The following EHMT1 variants were observed in gnomAD, a reference collection of about 807,000 sequenced individuals.
EHMT1 encodes euchromatic histone lysine methyltransferase 1.
In EHMT1, 15 loss-of-function variants were observed where a neutral mutation model predicts 147.2. The observed-to-expected ratio is 0.10, with a 90% CI of 0.07 to 0.16. The LOEUF is 0.16. Among genes scored for constraint, EHMT1 ranks in the 10% least tolerant of loss-of-function variants. EHMT1 has a pLI of 1.00. For missense variants in EHMT1, 1,587 were observed against 1,772.4 expected (o/e 0.90, Z 1.88); for synonymous variants, 795 against 709.6 (o/e 1.12, Z -1.91).
intron 15 of EHMT1, among the ~76,000 whole-genome samples, chr9:137,783,162 C>A (rs1236998243): frequency 6.6e-6 from 1 of 152,246 alleles, no homozygotes; most frequent in Non-Finnish European, 1.5e-5. Context: ...TGTGCCCTTT[C>A]AGTGCAGAAA....
chr9:137,802,703 G>C (rs1453588260), intron 18 of EHMT1: 15 of 736,598 alleles, frequency 2.0e-5, no homozygotes, highest in Non-Finnish European at 2.8e-5. Context: ...ACCACTGGCT[G>C]TGGGCACCCG....
At position 137,818,069 on chromosome 9, in the gene EHMT1, G is replaced by A; in HGVS notation, c.3471G>A (p.Gly1157=). Residue 1157 remains glycine, a synonymous_variant, in exon 25 of 27, where the codon GGG becomes GGA. Transcript: ENST00000460843. ...ACCGCACCCTCTGCAGGTATGTTGG[G>A]GAGCTGATTTCAGACTCAGAAGCCG... ...PPGTFVCEYV[G]ELISDSEADV... 1 of 1,614,174 alleles carries A rather than the reference G, an allele frequency of 6.2e-7. No individual in the cohort carries two copies. The highest frequency in any genetic ancestry group is 8.5e-7 in the Non-Finnish European group (1 of 1,180,028).
intron 25 of EHMT1, among the ~76,000 whole-genome samples, chr9:137,831,614 C>T (rs952268714): frequency 6.6e-6 from 1 of 152,216 alleles, no homozygotes; most frequent in Non-Finnish European, 1.5e-5. Context: ...ATTTTCATGC[C>T]TTGAAATCTT....
rs531716541 is a variant in EHMT1 at position 137,716,760 on chromosome 9, C to A, written c.220C>A (p.Gln74Lys). Residue 74 changes from glutamine to lysine, a missense_variant, in exon 3 of 27, where the codon CAG (glutamine) becomes AAG (lysine). Around this residue, in one of 7 missense-constraint regions of EHMT1, gnomAD observed 810 missense variants for 673.0 expected, o/e 1.20. Transcript: ENST00000460843. ...SSHANAAKHT[Q>K]DSARVNPQDG... ...TCATGCAAATGCTGCAAAGCACACT[C>A]AGGACAGCGCAAGGGTCAACCCCCA... is the stretch of plus-strand genomic sequence containing the variant. 1 of 1,613,008 alleles carries A rather than the reference C, an allele frequency of 6.2e-7. No homozygotes were observed. The highest frequency in any genetic ancestry group is 8.5e-7 in the Non-Finnish European group (1 of 1,179,750).
chr9:137,743,819 C>T, intron 5 of EHMT1, 83 bp from the exon 6 acceptor site: 2 of 1,489,510 alleles, frequency 1.3e-6, no homozygotes, highest in Non-Finnish European at 1.8e-6. Flanking sequence ...ACCTCCCAGT[C>T]ACCCAAGACT....
At chr9:137,723,225 T>C (rs1269760375) in intron 3 of EHMT1, among the ~76,000 whole-genome samples, 2 of 64,322 alleles carry the variant, frequency 3.1e-5, no homozygotes. Flanking sequence ...GGGGTGTGCC[T>C]GTGTCCGTGG....
At chr9:137,815,901 AGAGT>A (rs1954881722) in intron 22 of EHMT1, 42 bp from the exon 23 acceptor site, 1 of 1,476,454 alleles carries the variant, frequency 6.8e-7, no homozygotes, top group Non-Finnish European at 9.3e-7. Context: ...GTTCAATTAA[AGAGT>A]GAGTAACCTC....
At chr9:137,740,277 C>T (rs1947937067) in intron 4 of EHMT1, among the ~76,000 whole-genome samples, 2 of 152,158 alleles carry the variant, frequency 1.3e-5, no homozygotes, top group African/African-American at 4.8e-5. Context: ...CTGTGAGATG[C>T]CAGTTGGCGA....
chr9:137,765,933 A>G (rs1950189173), intron 10 of EHMT1, among the ~76,000 whole-genome samples: 1 of 152,046 alleles, frequency 6.6e-6, no homozygotes, highest in African/African-American at 2.4e-5. Flanking sequence ...TGAATCCCAC[A>G]CTTAGGTGGC....
chr9:137,780,583 G>C (rs1290181438), intron 14 of EHMT1, among the ~76,000 whole-genome samples: 2 of 142,720 alleles, frequency 1.4e-5, no homozygotes, highest in Non-Finnish European at 3.0e-5. Context: ...TGGTGATGAC[G>C]CTGGGATGTG....
chr9:137,635,559 G>A lies in EHMT1; in HGVS notation c.21+16510G>A, dbSNP rs139783049. On this transcript the variant is annotated intron_variant, in intron 1 of 26. Transcript: ENST00000460843. ...TTCAGAGCTGGGCGCGGTGGCTCAC[G>A]CCTGTAATCCCAGCACTTTGGGAGG... Among the ~76,000 whole-genome samples the A allele has an allele frequency of 6.1e-3, 913 of 150,704 alleles. 4 individuals carry two copies. Among genetic ancestry groups the A allele is most frequent in the Middle Eastern group, 0.017 (5 of 292 alleles).
chr9:137,775,372 G>A lies in EHMT1; in HGVS notation c.1791+120G>A, dbSNP rs1950880284. 4 of 1,451,684 alleles carry A rather than the reference G, an allele frequency of 2.8e-6. No homozygotes were observed. Among genetic ancestry groups the A allele is most frequent in the Admixed American group, 3.9e-5 (2 of 50,956 alleles). 89.9% of individuals were successfully genotyped at this position (1,451,684 alleles called of 1,614,324 possible). On this transcript the variant is annotated intron_variant, in intron 11 of 26. Coordinates refer to ENST00000460843, the MANE Select transcript of EHMT1 (RefSeq NM_024757.5). The surrounding 1 kb of genome is among the most constrained non-coding windows in gnomAD (Gnocchi z 6.1). Reference sequence around the variant, plus strand: ...TGGTCCAGCAGCTGGCCCAGGTCTGGTGTCCGTCTGGAGGTCTCCAGTGTT... The same window carrying A: ...TGGTCCAGCAGCTGGCCCAGGTCTGATGTCCGTCTGGAGGTCTCCAGTGTT...
chr9:137,686,697 A>G (rs1589257909), intron 1 of EHMT1, among the ~76,000 whole-genome samples: 1 of 144,224 alleles, frequency 6.9e-6, no homozygotes, highest in African/African-American at 2.6e-5. Flanking sequence ...ATTTTTATAC[A>G]TGGCATGAGG....
At chr9:137,648,517 GC>G (rs1461753821) in intron 1 of EHMT1, among the ~76,000 whole-genome samples, 2 of 147,430 alleles carry the variant, frequency 1.4e-5, no homozygotes, top group Non-Finnish European at 3.0e-5. Flanking sequence ...AAATAGTTGG[GC>G]ATGGTGCCTC....
rs1950884786 is a variant in EHMT1, at chr9:137,775,424, G to A, written c.1791+172G>A. 6.6e-6 allele frequency among the ~76,000 whole-genome samples: 1 copy of A among 151,866 alleles called. No homozygotes were observed. On this transcript the variant is annotated intron_variant, in intron 11 of 26. Coordinates refer to ENST00000460843, the MANE Select transcript of EHMT1 (RefSeq NM_024757.5). The surrounding 1 kb of genome is among the most constrained non-coding windows in gnomAD (Gnocchi z 6.1). Reference sequence around the variant, plus strand: ...ACAAGCCCCTCACCACCCCTGTCGAGCCCCAGTGCCTTAGACACCTTCACC... The same window carrying A: ...ACAAGCCCCTCACCACCCCTGTCGAACCCCAGTGCCTTAGACACCTTCACC...
rs187680765 is a variant in EHMT1 at position 137,623,741 on chromosome 9, C to T, written c.21+4692C>T. Among the ~76,000 whole-genome samples the T allele has an allele frequency of 1.2e-4, 18 of 152,202 alleles. No individual in the cohort carries two copies. In the East Asian group the frequency reaches 2.1e-3, roughly 18 times the overall value. The stretch of plus-strand genomic sequence containing the variant: ...CGGCCGCAAATGTCTTTATTCTGCC[C>T]GTGCGCTTAGTAAGTTTGGCTGGTA... On this transcript the variant is annotated intron_variant, in intron 1 of 26. Transcript: ENST00000460843.
At chr9:137,789,653 C>T (rs1952353832) in intron 15 of EHMT1, among the ~76,000 whole-genome samples, 1 of 152,230 alleles carries the variant, frequency 6.6e-6, no homozygotes, top group African/African-American at 2.4e-5. Context: ...CCTGCGTTCT[C>T]TTTGGGGAAG....
At chr9:137,803,390 C>T in intron 18 of EHMT1, 1 of 776,060 alleles carries the variant, frequency 1.3e-6, no homozygotes, top group Non-Finnish European at 1.6e-6. Context: ...CCAGCCCACC[C>T]CTGCCACCCA....
intron 25 of EHMT1, 108 bp from the exon 26 acceptor site, chr9:137,834,241 C>G: frequency 7.0e-7 from 1 of 1,437,544 alleles, no homozygotes. Flanking sequence ...GCATGGCGGG[C>G]CTGCGCCCAA....
Sources: allele counts gnomAD v4.1 joint callset (sites outside exome capture counted in the v4.1 genomes callset), GRCh38; gene constraint gnomAD v4.1.1; regional missense constraint gnomAD v4.1.1; non-coding constraint Gnocchi (gnomAD v3.1); transcripts MANE v1.5; gene names NCBI Gene and HGNC (gene_info 2026-07-23, HGNC 2026-07-21).